The following KDM4D variants were observed in gnomAD, a reference collection of about 807,000 sequenced individuals.
KDM4D encodes the protein lysine-specific demethylase 4D.
For missense variants in KDM4D, 427 were observed against 674.8 expected, an observed-to-expected ratio of 0.63 and a Z score of 4.07; for synonymous variants, 254 against 249.1, an observed-to-expected ratio of 1.02 and a Z score of -0.19.
chr11:94,995,429 A>C (rs1857967787), intron 2 of KDM4D, among the ~76,000 whole-genome samples: 1 of 152,222 alleles, frequency 6.6e-6, no homozygotes, highest in Non-Finnish European at 1.5e-5. Context: ...AGAGAACTAC[A>C]GGATATGAAA....
At position 94,998,359 on chromosome 11, in the gene KDM4D, A is replaced by G. The variant is rs763744580; in HGVS notation, c.987A>G (p.Gln329=). The change falls in exon 3 of 3, where the codon CAA becomes CAG. Residue 329 remains glutamine, a synonymous_variant. Transcript: ENST00000335080. The surrounding 1 kb of genome is among the most constrained non-coding windows in gnomAD (Gnocchi z 6.7). ...FSMDAFVRIL[Q]PERYDLWKRG... is the part of the protein sequence containing the mutation. ...TGGATGCCTTCGTGCGCATCCTGCA[A>G]CCTGAACGCTATGACCTGTGGAAAC... The G allele has an allele frequency of 3.1e-5, 50 of 1,614,020 alleles. No homozygotes were observed. The highest frequency in any genetic ancestry group is 4.1e-5 in the Non-Finnish European group (48 of 1,180,024).
At chr11:94,981,325 T>C (rs1857841068) in intron 2 of KDM4D, among the ~76,000 whole-genome samples, 1 of 152,098 alleles carries the variant, frequency 6.6e-6, no homozygotes, top group Non-Finnish European at 1.5e-5. Context: ...CCTATTTTCT[T>C]TTCTCATAGT....
At chr11:94,994,461 A>AAAT (rs1284085535) in intron 2 of KDM4D, among the ~76,000 whole-genome samples, 1 of 152,118 alleles carries the variant, frequency 6.6e-6, no homozygotes, top group African/African-American at 2.4e-5. Context: ...TATAAATAGG[A>AAAT]AATTTTAAGA....
At chr11:94,982,543 TAAA>T (rs56220010) in intron 2 of KDM4D, among the ~76,000 whole-genome samples, 65,966 of 139,378 alleles carry the variant, frequency 0.47, 15,424 homozygotes, top group Non-Finnish European at 0.53. Flanking sequence ...TCCCTATTTC[TAAA>T]AAAAAAAAAA....
rs782817757 is a variant in KDM4D, at chr11:94,998,965, T to TC, written c.*24dup. 5 of 1,501,102 alleles carry TC rather than the reference T, an allele frequency of 3.3e-6. No homozygotes were observed. The highest frequency in any genetic ancestry group is 4.4e-6 in the Non-Finnish European group (5 of 1,124,632). The allele number at this position is 1,501,102 out of a possible 1,614,324, so 93.0% of individuals were successfully genotyped here. Reference sequence around the variant, plus strand: ...CCTAAGTCCACGGGCTGTCTTTATATCCCACTGCCCTGCTGTGTGACAGTT... The same window carrying TC: ...CCTAAGTCCACGGGCTGTCTTTATATCCCCACTGCCCTGCTGTGTGACAGTT... On this transcript the variant is annotated 3_prime_UTR_variant, in exon 3 of 3. Coordinates refer to ENST00000335080, the MANE Select transcript of KDM4D (RefSeq NM_018039.3). This position sits in a 1 kb window ranked among gnomAD's most constrained non-coding sequence, Gnocchi z 6.7.
At chr11:94,981,255 G>A (rs1396230528) in intron 2 of KDM4D, among the ~76,000 whole-genome samples, 4 of 151,948 alleles carry the variant, frequency 2.6e-5, no homozygotes, top group Non-Finnish European at 5.9e-5. Context: ...TATATTGCTG[G>A]AATCAATTTG....
chr11:94,995,993 G>C (rs976089891), intron 2 of KDM4D, among the ~76,000 whole-genome samples: 1 of 152,134 alleles, frequency 6.6e-6, no homozygotes, highest in South Asian at 2.1e-4. Context: ...CCAGTTGTGC[G>C]AGGGATAGGG....
At position 94,998,581 on chromosome 11, in the gene KDM4D, T is replaced by C; in HGVS notation, c.1209T>C (p.Ser403=). The C allele has an allele frequency of 6.2e-7, 1 of 1,613,892 alleles. No individual in the cohort carries two copies. Among genetic ancestry groups the C allele is most frequent in the Non-Finnish European group, 8.5e-7 (1 of 1,180,032 alleles). ...SGTRCHTLVC[S]SLPRRSAVSG... is the part of the protein sequence containing the mutation. ...CACGGTGCCACACCCTTGTGTGCTCTTCACTCCCACGCCGATCTGCAGTTA... is the reference window on the plus strand; with the variant it reads ...CACGGTGCCACACCCTTGTGTGCTCCTCACTCCCACGCCGATCTGCAGTTA... The change falls in exon 3 of 3, where the codon TCT becomes TCC. Residue 403 remains serine, a synonymous_variant. Coordinates refer to ENST00000335080, the MANE Select transcript of KDM4D (RefSeq NM_018039.3). This position sits in a 1 kb window ranked among gnomAD's most constrained non-coding sequence, Gnocchi z 6.7.
chr11:94,975,475 C>A (rs1025320708), intron 1 of KDM4D, among the ~76,000 whole-genome samples, 179 bp from the exon 2 acceptor site: 1 of 152,042 alleles, frequency 6.6e-6, no homozygotes, highest in Non-Finnish European at 1.5e-5. Flanking sequence ...AGTTTCCTCA[C>A]GTGTAAAATG....
At chr11:94,974,150 GT>G (rs1272192845) in intron 1 of KDM4D, 82 bp downstream of exon 1, 1 of 152,198 alleles carries the variant, frequency 6.6e-6, no homozygotes, top group Non-Finnish European at 1.5e-5. Flanking sequence ...TTTAAAAAAC[GT>G]TAGTTTTAGT....
At chr11:94,993,225 G>T (rs1555098870) in intron 2 of KDM4D, among the ~76,000 whole-genome samples, 1 of 152,110 alleles carries the variant, frequency 6.6e-6, no homozygotes, top group East Asian at 1.9e-4. Flanking sequence ...AAGGGATCAA[G>T]TATTATTTTT....
At chr11:94,981,078 T>C (rs1857838312) in intron 2 of KDM4D, among the ~76,000 whole-genome samples, 1 of 152,116 alleles carries the variant, frequency 6.6e-6, no homozygotes, top group Non-Finnish European at 1.5e-5. Flanking sequence ...GATTTTTGCC[T>C]ACTATTTTTA....
chr11:94,989,282 A>G (rs1336178635), intron 2 of KDM4D, among the ~76,000 whole-genome samples: 1 of 152,212 alleles, frequency 6.6e-6, no homozygotes, highest in African/African-American at 2.4e-5. Flanking sequence ...GCTACTCAAG[A>G]CATGTATTTA....
intron 1 of KDM4D, among the ~76,000 whole-genome samples, chr11:94,974,719 C>T (rs1199833814): frequency 2.6e-5 from 4 of 152,210 alleles, no homozygotes; most frequent in Admixed American, 1.3e-4. Context: ...TTCATTCACT[C>T]TTCACATACG....
Position 94,997,483 on chromosome 11 carries a change from C to T in KDM4D, c.111C>T (p.Tyr37=). ...ATGATTTTGATAAATATATTGCTTACATGGAATCCCAAGGTGCACACAGAG... is the reference window on the plus strand; with the variant it reads ...ATGATTTTGATAAATATATTGCTTATATGGAATCCCAAGGTGCACACAGAG... The part of the protein sequence containing the change: ...EFNDFDKYIA[Y]MESQGAHRAG... Residue 37 remains tyrosine, a synonymous_variant, in exon 3 of 3, where the codon TAC becomes TAT. Transcript: ENST00000335080. 3.1e-6 allele frequency: 5 copies of T among 1,614,142 alleles called. No individual in the cohort carries two copies. Among genetic ancestry groups the T allele is most frequent in the Non-Finnish European group, 4.2e-6 (5 of 1,179,986 alleles).
chr11:94,986,469 C>T (rs1430990109), intron 2 of KDM4D, among the ~76,000 whole-genome samples: 10 of 151,892 alleles, frequency 6.6e-5, no homozygotes, highest in Non-Finnish European at 1.5e-5. Context: ...GTGATGTGCA[C>T]CTGTTAGTGC....
At position 94,997,789 on chromosome 11, in the gene KDM4D, C is replaced by G; in HGVS notation, c.417C>G (p.Asp139Glu). The G allele has an allele frequency of 1.2e-6, 2 of 1,614,220 alleles. No homozygotes were observed. The highest frequency in any genetic ancestry group is 1.7e-6 in the Non-Finnish European group (2 of 1,180,016). Residue 139 changes from aspartate to glutamate, a missense_variant, in exon 3 of 3, where the codon GAC becomes GAG. By Grantham distance (45) the Asp-to-Glu change is conservative. Transcript: ENST00000335080. ...RIYNSPIYGA[D>E]ISGSLFDENT... Reference sequence around the variant, plus strand: ...ATAATTCACCGATTTATGGTGCTGACATCAGTGGCTCCTTGTTTGATGAAA... The same window carrying G: ...ATAATTCACCGATTTATGGTGCTGAGATCAGTGGCTCCTTGTTTGATGAAA...
Position 94,988,052 on chromosome 11 carries a change from A to G in KDM4D, c.-349-8972A>G, listed in dbSNP as rs1248026384. Among the ~76,000 whole-genome samples the G allele has an allele frequency of 2.6e-5, 4 of 152,232 alleles. No homozygotes were observed. The East Asian group carries it at 7.7e-4, about 29-fold the overall frequency. The stretch of plus-strand genomic sequence containing the variant: ...AGGCAATTTCACAGCAAGGAACAAC[A>G]TGAGTTTCTATATTGAAAATTCTAG... On this transcript the variant is annotated intron_variant, in intron 2 of 2. Transcript: ENST00000335080.
At chr11:94,975,529 A>G (rs1161109214) in intron 1 of KDM4D, 125 bp from the exon 2 acceptor site, 1 of 152,172 alleles carries the variant, frequency 6.6e-6, no homozygotes, top group African/African-American at 2.4e-5. Context: ...TCTAAGGATT[A>G]AGTGAATTAA....
Sources: allele counts gnomAD v4.1 joint callset (sites outside exome capture counted in the v4.1 genomes callset), GRCh38; gene constraint gnomAD v4.1.1; non-coding constraint Gnocchi (gnomAD v3.1); transcripts MANE v1.5; gene names NCBI Gene and HGNC (gene_info 2026-07-23, HGNC 2026-07-21).